The following C3orf20 variants were observed in gnomAD, a reference collection of about 807,000 sequenced individuals.
The protein encoded by C3orf20 is uncharacterized protein C3orf20.
Under a neutral mutation model 88.3 loss-of-function variants are expected in C3orf20, and 76 were observed. That is an observed-to-expected ratio of 0.86 (90% CI 0.72 to 1.04). The LOEUF is 1.04. Ranked by LOEUF, C3orf20 falls within the 50% of genes least tolerant of loss-of-function variation. The probability of loss-of-function intolerance (pLI) is 0.00; values close to 1 mark genes in which losing one functional copy is unlikely to be tolerated. For synonymous variants in C3orf20, 436 were observed against 437.4 expected, an observed-to-expected ratio of 1.00 and a Z score of 0.04; for missense variants, 1,056 against 1,123.3, an observed-to-expected ratio of 0.94 and a Z score of 0.86.
rs1286171908 is a variant in C3orf20, at chr3:14,772,904, A to G, written c.*29A>G. 1.9e-6 allele frequency: 3 copies of G among 1,589,170 alleles called. No homozygotes were observed. In the South Asian group the frequency reaches 3.3e-5, roughly 18 times the overall value. On this transcript the variant is annotated 3_prime_UTR_variant, in exon 17 of 17. Coordinates refer to ENST00000253697, the MANE Select transcript of C3orf20 (RefSeq NM_032137.5). The surrounding 1 kb of genome is among the most constrained non-coding windows in gnomAD (Gnocchi z 4.2). ...CATCCTGGCAGCAGCCAAGTGAGCC[A>G]GGCCCCGGCCCGGGGTGCTGGGGCT...
In C3orf20 at chr3:14,714,254, A is replaced by G. The variant is rs2033862983; in HGVS notation, c.1313+95A>G. 3 of 1,388,872 alleles carry G rather than the reference A, an allele frequency of 2.2e-6. No individual in the cohort carries two copies. In the South Asian group the frequency reaches 3.7e-5, roughly 17 times the overall value. The allele number at this position is 1,388,872 out of a possible 1,614,324, so 86.0% of individuals were successfully genotyped here. On this transcript the variant is annotated intron_variant, in intron 8 of 16. Coordinates refer to ENST00000253697, the MANE Select transcript of C3orf20 (RefSeq NM_032137.5). ...GTGACTACGAGTCCCTGGTTAAAGA[A>G]GAAGCCAGGCGGTGTCCAGAGATCT...
Position 14,701,122 on chromosome 3 carries a change from G to A in C3orf20, c.746-2008G>A, listed in dbSNP as rs1252132811. ...AGCAGATGCTCCAGGTGGCCTGCTA[G>A]CAGGTCGCTGGACCTCAGGCCCTAG... is the stretch of plus-strand genomic sequence containing the variant. On this transcript the variant is annotated intron_variant, in intron 5 of 16. Transcript: ENST00000253697. This position sits in a 1 kb window ranked among gnomAD's most constrained non-coding sequence, Gnocchi z 4.6. 6.6e-6 allele frequency among the ~76,000 whole-genome samples: 1 copy of A among 152,192 alleles called. No individual in the cohort carries two copies. The highest frequency in any genetic ancestry group is 1.5e-5 in the Non-Finnish European group (1 of 68,028).
intron 5 of C3orf20, among the ~76,000 whole-genome samples, chr3:14,691,266 A>G (rs760667112): frequency 1.3e-5 from 2 of 152,156 alleles, no homozygotes; most frequent in Admixed American, 6.5e-5. Context: ...TCATTGTGGT[A>G]CAATAACCCA....
intron 7 of C3orf20, among the ~76,000 whole-genome samples, chr3:14,713,549 G>A (rs553907515): frequency 1.3e-5 from 2 of 152,214 alleles, no homozygotes; most frequent in East Asian, 3.8e-4. Flanking sequence ...CAGCCTGATA[G>A]CATTAGAAAT....
At chr3:14,684,075 G>C (rs373177922) in intron 3 of C3orf20, among the ~76,000 whole-genome samples, 167 bp from the exon 4 acceptor site, 8 of 152,158 alleles carry the variant, frequency 5.3e-5, no homozygotes, top group East Asian at 1.9e-4. Flanking sequence ...ACATCTGAAG[G>C]GTCCTCAGAG....
At position 14,701,772 on chromosome 3, in the gene C3orf20, G is replaced by A. The variant is rs1469252382; in HGVS notation, c.746-1358G>A. Among the ~76,000 whole-genome samples the A allele has an allele frequency of 6.6e-6, 1 of 152,184 alleles. No homozygotes were observed. The highest frequency in any genetic ancestry group is 1.5e-5 in the Non-Finnish European group (1 of 68,036). ...AGGTGAATCAAAAGGGTCCAATTCA[G>A]TGAGGGCCGTCCAGCCCTGGAAATG... is the stretch of plus-strand genomic sequence containing the variant. On this transcript the variant is annotated intron_variant, in intron 5 of 16. Transcript: ENST00000253697. This position sits in a 1 kb window ranked among gnomAD's most constrained non-coding sequence, Gnocchi z 4.6.
intron 12 of C3orf20, among the ~76,000 whole-genome samples, chr3:14,748,343 G>A (rs2035118583): frequency 6.6e-6 from 1 of 151,842 alleles, no homozygotes; most frequent in Non-Finnish European, 1.5e-5. Flanking sequence ...TCAGTAATTT[G>A]CAACTTTTCT....
At chr3:14,732,823 A>G (rs2124996565) in intron 12 of C3orf20, among the ~76,000 whole-genome samples, 1 of 152,082 alleles carries the variant, frequency 6.6e-6, no homozygotes, top group South Asian at 2.1e-4. Context: ...AAAGCTTATT[A>G]TAGTTTATGT....
chr3:14,747,748 A>G (rs1208720582), intron 12 of C3orf20, among the ~76,000 whole-genome samples: 1 of 152,194 alleles, frequency 6.6e-6, no homozygotes, highest in East Asian at 1.9e-4. Flanking sequence ...GTGCAGAAAG[A>G]ATAGTAACTG....
Position 14,704,202 on chromosome 3 carries a change from C to T in C3orf20, c.879-135C>T, listed in dbSNP as rs529768119. 219 of 868,948 alleles carry T rather than the reference C, an allele frequency of 2.5e-4. No individual in the cohort carries two copies. In the South Asian group the frequency reaches 3.7e-3, roughly 15 times the overall value. The allele number at this position is 868,948 out of a possible 1,614,324, so 53.8% of individuals were successfully genotyped here. On this transcript the variant is annotated intron_variant, in intron 6 of 16. Transcript: ENST00000253697. ...AAAATTACCTTTATGGACGAGGGAG[C>T]ATGGGTTGGGGATGTGTACTTTGGG...
At chr3:14,718,522 G>A (rs2034023222) in intron 9 of C3orf20, among the ~76,000 whole-genome samples, 1 of 152,080 alleles carries the variant, frequency 6.6e-6, no homozygotes, top group Admixed American at 6.5e-5. Context: ...TTCAATGTCT[G>A]GGTCTTATCA....
In C3orf20 at chr3:14,690,216, T is replaced by G. The variant is rs1016447659; in HGVS notation, c.745+100T>G. On this transcript the variant is annotated intron_variant, in intron 5 of 16. Coordinates refer to ENST00000253697, the MANE Select transcript of C3orf20 (RefSeq NM_032137.5). ...GTGTAGGTTGGTGGGATGGTTTGAT[T>G]TGGTCTTCTGATTAGAAGGATACAT... The G allele has an allele frequency of 2.6e-6, 4 of 1,525,620 alleles. No individual in the cohort carries two copies. The African/African-American group carries it at 5.5e-5, about 21-fold the overall frequency. 94.5% of individuals were successfully genotyped at this position (1,525,620 alleles called of 1,614,324 possible).
intron 7 of C3orf20, among the ~76,000 whole-genome samples, chr3:14,707,248 CAAAAA>C (rs10662478): frequency 1.1e-5 from 1 of 93,768 alleles, no homozygotes; most frequent in African/African-American, 4.5e-5. Context: ...GACTCCGTCT[CAAAAA>C]AAAAAAAAAA....
chr3:14,728,786 A>C, intron 12 of C3orf20, 98 bp downstream of exon 12: 1 of 1,235,798 alleles, frequency 8.1e-7, no homozygotes, highest in South Asian at 1.5e-5. Flanking sequence ...TCTCTTTTGG[A>C]GCTTAAATTC....
chr3:14,714,700 C>T (rs1278902856), intron 8 of C3orf20, among the ~76,000 whole-genome samples: 1 of 152,138 alleles, frequency 6.6e-6, no homozygotes, highest in Admixed American at 6.5e-5. Flanking sequence ...AACTCCTGGG[C>T]TCAAGTGATC....
rs370153369 is a variant in C3orf20, at chr3:14,752,583, ATC to A, written c.1941-4787_1941-4786del. On this transcript the variant is annotated intron_variant, in intron 12 of 16. Transcript: ENST00000253697. ...GAATGGGAGAAAAGTTTTGCAATCT[ATC>A]CATCTGACAAAGAGCCAATATCCAG... Among the ~76,000 whole-genome samples the A allele has an allele frequency of 4.8e-3, 737 of 152,328 alleles. 7 individuals are homozygous for A. The highest frequency in any genetic ancestry group is 0.016 in the African/African-American group (683 of 41,572).
At chr3:14,689,406 C>T (rs544597429) in intron 4 of C3orf20, among the ~76,000 whole-genome samples, 3 of 152,250 alleles carry the variant, frequency 2.0e-5, no homozygotes, top group Admixed American at 1.3e-4. Flanking sequence ...AGTGGTTTCA[C>T]GCCTAACCAG....
In C3orf20 at chr3:14,773,009, T is replaced by C. The variant is rs2035903280; in HGVS notation, c.*134T>C. 5 of 685,634 alleles carry C rather than the reference T, an allele frequency of 7.3e-6. No homozygotes were observed. Among genetic ancestry groups the C allele is most frequent in the Admixed American group, 4.5e-5 (2 of 44,004 alleles). 42.5% of individuals were successfully genotyped at this position (685,634 alleles called of 1,614,324 possible). The stretch of plus-strand genomic sequence containing the variant: ...ATAATAAACCAGCGGGCCTCCAGCA[T>C]TGGGGTGAGGCTCTGGGGAAGGACA... On this transcript the variant is annotated 3_prime_UTR_variant, in exon 17 of 17. Coordinates refer to ENST00000253697, the MANE Select transcript of C3orf20 (RefSeq NM_032137.5).
intron 12 of C3orf20, among the ~76,000 whole-genome samples, 192 bp from the exon 13 acceptor site, chr3:14,757,179 C>G (rs2035398149): frequency 6.6e-6 from 1 of 152,154 alleles, no homozygotes. Context: ...TTGTTACTCT[C>G]ATTTTGCACT....
Sources: allele counts gnomAD v4.1 joint callset (sites outside exome capture counted in the v4.1 genomes callset), GRCh38; gene constraint gnomAD v4.1.1; non-coding constraint Gnocchi (gnomAD v3.1); transcripts MANE v1.5; gene names NCBI Gene and HGNC (gene_info 2026-07-23, HGNC 2026-07-21).